Variants in UBAP2 observed in about 807,000 individuals in gnomAD.
The protein encoded by UBAP2 is ubiquitin associated protein 2.
A neutral mutation model predicts 139.6 loss-of-function variants in UBAP2; 75 were observed. The observed-to-expected ratio is 0.54, with a 90% CI of 0.45 to 0.65. UBAP2 has a LOEUF of 0.65. Ranked by LOEUF, UBAP2 falls within the 30% of genes least tolerant of loss-of-function variation. The pLI, the probability that UBAP2 is intolerant of heterozygous loss-of-function variation, is 0.00. For synonymous variants in UBAP2, 526 were observed against 526.2 expected (o/e 1.00, Z 0.01); for missense variants, 1,368 against 1,369.6 (o/e 1.00, Z 0.02).
intron 8 of UBAP2, among the ~76,000 whole-genome samples, chr9:33,965,079 TTTAA>T (rs1316443640): frequency 6.6e-6 from 1 of 152,236 alleles, no homozygotes; most frequent in African/African-American, 2.4e-5. Flanking sequence ...ATATTTTGCT[TTTAA>T]TTAACTTTTT....
chr9:33,992,249 G>A (rs1338164073), intron 4 of UBAP2, among the ~76,000 whole-genome samples: 1 of 152,036 alleles, frequency 6.6e-6, no homozygotes, highest in Non-Finnish European at 1.5e-5. Flanking sequence ...TTAGCCGGGC[G>A]TGGTGGCGCA....
chr9:34,016,637 CCT>C (rs1334496279), intron 2 of UBAP2, among the ~76,000 whole-genome samples: 1 of 151,630 alleles, frequency 6.6e-6, no homozygotes, highest in African/African-American at 2.4e-5. Context: ...CTCACTGCAA[CCT>C]CTGCCTCCTG....
At chr9:33,956,880 A>G (rs1587560434) in intron 10 of UBAP2, among the ~76,000 whole-genome samples, 1 of 152,198 alleles carries the variant, frequency 6.6e-6, no homozygotes, top group South Asian at 2.1e-4. Context: ...CACTCTGGGC[A>G]GCCGAGGCAG....
rs757961384 is a variant in UBAP2 at position 33,989,112 on chromosome 9, A to G, written c.303T>C (p.Thr101=). The change falls in exon 5 of 29, where the codon ACT becomes ACC. Residue 101 remains threonine, a synonymous_variant. Coordinates refer to ENST00000379238, the MANE Select transcript of UBAP2 (RefSeq NM_001370062.2). Reference sequence around the variant, plus strand: ...CAAAATTCTTTTTCTTACACCCTACAGTCTCCCATGAAGTCTATCAGAGAG... The same window carrying G: ...CAAAATTCTTTTTCTTACACCCTACGGTCTCCCATGAAGTCTATCAGAGAG... ...EGNSDTTSWE[T]VGCKKKNFAK... is the part of the protein sequence containing the mutation. 2.6e-5 allele frequency: 42 copies of G among 1,612,438 alleles called. No individual in the cohort carries two copies. The highest frequency in any genetic ancestry group is 3.2e-5 in the Non-Finnish European group (38 of 1,179,646).
chr9:33,952,930 C>T (rs537986961), intron 12 of UBAP2: 11 of 165,690 alleles, frequency 6.6e-5, no homozygotes, highest in Non-Finnish European at 1.2e-4. Flanking sequence ...AGTACAGAGG[C>T]ATGATCATGG....
intron 13 of UBAP2, 78 bp downstream of exon 13, chr9:33,948,296 G>T: frequency 7.8e-7 from 1 of 1,290,008 alleles, no homozygotes; most frequent in Non-Finnish European, 1.0e-6. Context: ...TTCCACATTA[G>T]TCTTCACAAG....
chr9:33,932,583 G>A lies in UBAP2; in HGVS notation c.2154C>T (p.Leu718=). The A allele has an allele frequency of 6.2e-7, 1 of 1,614,064 alleles. No homozygotes were observed. ...HQSSLSAHAA[L]SSSTSHTHAS... is the part of the protein sequence containing the mutation. ...TTACTGTGTGTGACGTGCTCGAGGA[G>A]AGGGCTGCATGTGCAGAGAGGCTGC... The change falls in exon 19 of 29, where the codon CTC becomes CTT. Residue 718 remains leucine (L), a synonymous_variant. Coordinates refer to ENST00000379238, the MANE Select transcript of UBAP2 (RefSeq NM_001370062.2).
At chr9:33,944,865 T>C (rs898627473) in intron 13 of UBAP2, among the ~76,000 whole-genome samples, 2 of 152,134 alleles carry the variant, frequency 1.3e-5, no homozygotes, top group Non-Finnish European at 2.9e-5. Flanking sequence ...TGTTTAAGCA[T>C]AGGGAGTGAT....
At chr9:34,016,173 GGAGGAGGAA>G (rs1564063822) in intron 2 of UBAP2, among the ~76,000 whole-genome samples, 1 of 145,898 alleles carries the variant, frequency 6.9e-6, no homozygotes, top group African/African-American at 2.5e-5. Flanking sequence ...AGGAGGAGGA[GGAGGAGGAA>G]GAGGAGGAAT....
Position 33,986,802 on chromosome 9 carries a change from C to T in UBAP2, c.478G>A (p.Val160Met). 6.2e-7 allele frequency: 1 copy of T among 1,614,136 alleles called. No homozygotes were observed. The highest frequency in any genetic ancestry group is 8.5e-7 in the Non-Finnish European group (1 of 1,180,010). Residue 160 changes from valine to methionine, a missense_variant, in exon 6 of 29, where the codon GTG (valine) becomes ATG (methionine). Physicochemically the swap from Val to Met is conservative, Grantham distance 21. Coordinates refer to ENST00000379238, the MANE Select transcript of UBAP2 (RefSeq NM_001370062.2). Reference protein sequence around the residue: ...GEENGIDCNQVDKPSDRGKRA... With the variant: ...GEENGIDCNQMDKPSDRGKRA... ...TTGCCACGATCTGAAGGTTTGTCCA[C>T]TTGATTGCAATCAATTCCATTTTCT...
At position 33,992,888 on chromosome 9, in the gene UBAP2, G is replaced by C. The variant is rs563014365; in HGVS notation, c.288+3335C>G. On this transcript the variant is annotated intron_variant, in intron 4 of 28. Coordinates refer to ENST00000379238, the MANE Select transcript of UBAP2 (RefSeq NM_001370062.2). The stretch of plus-strand genomic sequence containing the variant: ...AACAGGTCTGAAGAAACTCTAAGAG[G>C]AGAGGTCCTCCCAGCCACCACATAA... Among the ~76,000 whole-genome samples, 435 of 152,248 alleles carry C rather than the reference G, an allele frequency of 2.9e-3. 1 individual carries two copies. The highest frequency in any genetic ancestry group is 9.6e-3 in the African/African-American group (399 of 41,540).
intron 2 of UBAP2, among the ~76,000 whole-genome samples, chr9:33,999,768 G>A (rs1822525904): frequency 6.9e-6 from 1 of 145,282 alleles, no homozygotes; most frequent in African/African-American, 2.4e-5. Context: ...CTGGAGTGCA[G>A]TGCCGTGATC....
rs762827393 is a variant in UBAP2, at chr9:33,935,889, AAGAAG to A, written c.1930-16_1930-12del. On this transcript the variant is annotated splice_polypyrimidine_tract_variant and intron_variant, in intron 16 of 28. Transcript: ENST00000379238. ...ACCACCATGTCCATTCTATAAGGAA[AAGAAG>A]AGAAGAGAATATAAACTTACAAAAT... 23 of 1,610,476 alleles carry A rather than the reference AAGAAG, an allele frequency of 1.4e-5. No individual in the cohort carries two copies. Among genetic ancestry groups the A allele is most frequent in the South Asian group, 3.3e-5 (3 of 89,968 alleles).
chr9:33,968,988 G>A (rs1338176307), intron 8 of UBAP2, among the ~76,000 whole-genome samples: 1 of 152,192 alleles, frequency 6.6e-6, no homozygotes, highest in Non-Finnish European at 1.5e-5. Context: ...GTTCATCCAT[G>A]TTGTAGCATG....
chr9:33,990,596 T>C (rs1017210042), intron 4 of UBAP2, among the ~76,000 whole-genome samples: 2 of 151,958 alleles, frequency 1.3e-5, no homozygotes, highest in African/African-American at 4.8e-5. Context: ...ATGCATCTAT[T>C]GTAACCTTTC....
rs1159980343 is a variant in UBAP2 at position 33,956,165 on chromosome 9, A to G, written c.799-19T>C. ...CAGAAAGCTGTATGGAAAGTTGAAA[A>G]ATTTAATCTTATTCTACATACTACT... is the stretch of plus-strand genomic sequence containing the variant. On this transcript the variant is annotated intron_variant, in intron 10 of 28. Transcript: ENST00000379238. 2.5e-6 allele frequency: 4 copies of G among 1,603,708 alleles called. No homozygotes were observed. The highest frequency in any genetic ancestry group is 3.4e-6 in the Non-Finnish European group (4 of 1,171,506).
At chr9:33,969,554 A>G (rs1827736898) in intron 8 of UBAP2, among the ~76,000 whole-genome samples, 1 of 130,320 alleles carries the variant, frequency 7.7e-6, no homozygotes, top group South Asian at 2.8e-4. Flanking sequence ...CTCTCTTTAA[A>G]AAAAAAAAAA....
rs538950175 is a variant in UBAP2 at position 33,973,309 on chromosome 9, C to T, written c.521-72G>A. The stretch of plus-strand genomic sequence containing the variant: ...ACACAATTACACTTCCTTCTTCATC[C>T]TATACTCACTACCCAGACAATATTA... On this transcript the variant is annotated intron_variant, in intron 6 of 28. Coordinates refer to ENST00000379238, the MANE Select transcript of UBAP2 (RefSeq NM_001370062.2). 2.7e-6 allele frequency: 4 copies of T among 1,468,058 alleles called. No homozygotes were observed. The South Asian group carries it at 4.6e-5, about 17-fold the overall frequency. 90.9% of individuals were successfully genotyped at this position (1,468,058 alleles called of 1,614,324 possible). A position where few individuals can be genotyped will look rare whatever the true frequency, so the allele number is the denominator to read the frequency against.
At chr9:33,981,064 C>CATATATAT (rs552165278) in intron 6 of UBAP2, among the ~76,000 whole-genome samples, 1 of 5,278 alleles carries the variant, frequency 1.9e-4, no homozygotes, top group Admixed American at 2.7e-3. Context: ...TTATTTACTT[C>CATATATAT]ATATATATAT....
Sources: gnomAD v4.1 joint callset for allele counts (sites outside exome capture counted in the v4.1 genomes callset) on GRCh38, gnomAD v4.1.1 for gene constraint, MANE v1.5 for transcripts, NCBI Gene and HGNC (gene_info 2026-07-23, HGNC 2026-07-21) for gene names.